The following KDM8 variants were observed in gnomAD, a reference collection of about 807,000 sequenced individuals.
KDM8 encodes bifunctional peptidase and arginyl-hydroxylase JMJD5.
Under a neutral mutation model 46.9 loss-of-function variants are expected in KDM8, and 35 were observed. The observed-to-expected ratio is 0.75, with a 90% confidence interval of 0.57 to 0.99. The LOEUF (loss-of-function observed/expected upper bound fraction) is 0.99. Among genes scored for constraint, KDM8 ranks in the 50% least tolerant of loss-of-function variants. The pLI, the probability that KDM8 is intolerant of heterozygous loss-of-function variation, is 0.00. For missense variants in KDM8, 475 were observed against 537.0 expected (o/e 0.88, Z 1.14); for synonymous variants, 232 against 227.7 (o/e 1.02, Z -0.17).
intron 1 of KDM8, among the ~76,000 whole-genome samples, chr16:27,205,275 T>C (rs558243140): frequency 6.6e-6 from 1 of 152,332 alleles, no homozygotes; most frequent in African/African-American, 2.4e-5. Context: ...GTCTTATTTA[T>C]AAATCCAGGA....
At chr16:27,208,228 G>A (rs912163011) in intron 1 of KDM8, among the ~76,000 whole-genome samples, 4 of 152,338 alleles carry the variant, frequency 2.6e-5, no homozygotes, top group Admixed American at 6.5e-5. Context: ...CAGATAGGCC[G>A]CCTATGAAGA....
Position 27,220,867 on chromosome 16 carries a change from G to A in KDM8, c.*137G>A. 9.7e-7 allele frequency: 1 copy of A among 1,035,766 alleles called. No individual in the cohort carries two copies. Among genetic ancestry groups the A allele is most frequent in the Admixed American group, 1.9e-5 (1 of 53,174 alleles). 64.2% of individuals were successfully genotyped at this position (1,035,766 alleles called of 1,614,324 possible). On this transcript the variant is annotated 3_prime_UTR_variant, in exon 8 of 8. Coordinates refer to ENST00000286096, the MANE Select transcript of KDM8 (RefSeq NM_024773.3). ...GCCTTCACTGCCCAGTGGCAGCCCT[G>A]GGGGGCTGAGCTCCAGCACTGGACA...
chr16:27,213,638 C>A lies in KDM8; in HGVS notation c.552C>A (p.Val184=), dbSNP rs749840337. 10 of 1,614,036 alleles carry A rather than the reference C, an allele frequency of 6.2e-6. No homozygotes were observed. In the African/African-American group the frequency reaches 1.1e-4, roughly 17 times the overall value. ...CAGATGTGAAGTTAGAAAAAACAGT[C>A]CCCCGGCTGCACCGTCCGTCCCTCC... The part of the protein sequence containing the change: ...LIPDVKLEKT[V]PRLHRPSLQH... The change falls in exon 3 of 8, where the codon GTC becomes GTA. Residue 184 remains valine (V), a synonymous_variant. Transcript: ENST00000286096.
chr16:27,216,028 C>T, intron 5 of KDM8, 39 bp downstream of exon 5: 2 of 1,608,778 alleles, frequency 1.2e-6, no homozygotes, highest in Non-Finnish European at 1.7e-6. Context: ...CTCACCGTCT[C>T]ACCTTCCCCT....
At chr16:27,219,245 T>C (rs1406088305) in intron 6 of KDM8, 135 bp downstream of exon 6, 18 of 1,000,416 alleles carry the variant, frequency 1.8e-5, no homozygotes, top group East Asian at 2.8e-5. Context: ...GACAAAAATA[T>C]AAAGCAAACC....
chr16:27,211,178 A>G (rs1393406541), intron 2 of KDM8: 1 of 454,308 alleles, frequency 2.2e-6, no homozygotes. Flanking sequence ...GCAGCAGAGA[A>G]ACTTCGTGGT....
intron 1 of KDM8, chr16:27,204,445 T>G (rs1108029): frequency 4.0e-6 from 4 of 989,850 alleles, no homozygotes; most frequent in Non-Finnish European, 5.3e-6. Flanking sequence ...TTCCAAACTT[T>G]CCTGGGAAGT....
At chr16:27,204,027 G>C in intron 1 of KDM8, 1 of 1,407,774 alleles carries the variant, frequency 7.1e-7, no homozygotes, top group Non-Finnish European at 9.8e-7. Context: ...GCTGCTTTTA[G>C]GCAACCAGCC....
In KDM8 at chr16:27,220,461, G is replaced by A. The variant is rs202035405; in HGVS notation, c.1062G>A (p.Thr354=). The A allele has an allele frequency of 1.8e-4, 287 of 1,613,996 alleles. No individual in the cohort carries two copies. The highest frequency in any genetic ancestry group is 8.2e-4 in the Middle Eastern group (5 of 6,084). Residue 354 remains threonine (T), a synonymous_variant, in exon 7 of 8, where the codon ACG becomes ACA. Transcript: ENST00000286096. ...CAGGGGCTCTGTACCCTCATGACAC[G>A]CACCTTCTCCATAACACGAGCCAGG... is the stretch of plus-strand genomic sequence containing the variant. The part of the protein sequence containing the change: ...QESGALYPHD[T]HLLHNTSQVD...
At chr16:27,219,315 C>T (rs2083591271) in intron 6 of KDM8, among the ~76,000 whole-genome samples, 1 of 152,256 alleles carries the variant, frequency 6.6e-6, no homozygotes, top group Non-Finnish European at 1.5e-5. Flanking sequence ...AGCGGCTCCT[C>T]CTGCATGTGC....
chr16:27,215,415 A>G (rs564095144), intron 4 of KDM8, among the ~76,000 whole-genome samples: 1 of 152,268 alleles, frequency 6.6e-6, no homozygotes, highest in East Asian at 1.9e-4. Context: ...CCCTGTCTCT[A>G]TAAAAAATAT....
chr16:27,215,846 G>A, intron 4 of KDM8, 99 bp from the exon 5 acceptor site: 2 of 1,229,030 alleles, frequency 1.6e-6, no homozygotes, highest in South Asian at 1.2e-5. Flanking sequence ...AGGGTGACGG[G>A]TGCTGCAGCT....
intron 6 of KDM8, 175 bp from the exon 7 acceptor site, chr16:27,220,218 C>T: frequency 3.1e-6 from 2 of 647,172 alleles, no homozygotes; most frequent in Non-Finnish European, 5.5e-6. Flanking sequence ...GAGACCCTGT[C>T]TCTAAAAAAT....
At chr16:27,206,551 C>T (rs912358789) in intron 1 of KDM8, among the ~76,000 whole-genome samples, 3 of 152,192 alleles carry the variant, frequency 2.0e-5, no homozygotes, top group East Asian at 1.9e-4. Context: ...GGATGACAGG[C>T]GTGAGCGATG....
At chr16:27,213,484 C>G (rs1262239338) in intron 2 of KDM8, 101 bp from the exon 3 acceptor site, 3 of 1,194,148 alleles carry the variant, frequency 2.5e-6, no homozygotes, top group Non-Finnish European at 3.6e-6. Flanking sequence ...GTACTCTTGA[C>G]AGCTAAGCTC....
chr16:27,204,015 C>T (rs927040352), intron 1 of KDM8: 2 of 1,255,794 alleles, frequency 1.6e-6, no homozygotes, highest in Admixed American at 4.4e-5. Context: ...ATATGTGTGT[C>T]CGCTGCTTTT....
At chr16:27,216,876 G>A (rs2083561256) in intron 5 of KDM8, among the ~76,000 whole-genome samples, 1 of 152,076 alleles carries the variant, frequency 6.6e-6, no homozygotes, top group South Asian at 2.1e-4. Context: ...TCATCCTGGG[G>A]GCATGGCCTC....
chr16:27,220,695 G>A lies in KDM8; in HGVS notation c.1216G>A (p.Asp406Asn), dbSNP rs1206481658. 1 of 1,614,192 alleles carries A rather than the reference G, an allele frequency of 6.2e-7. No homozygotes were observed. ...ATACTGGCATTACGTGCGGGCTCTGGATTTGAGCTTCTCGGTCAGCTTCTG... is the reference window on the plus strand; with the variant it reads ...ATACTGGCATTACGTGCGGGCTCTGAATTTGAGCTTCTCGGTCAGCTTCTG... ...VKYWHYVRAL[D>N]LSFSVSFWWS Residue 406 changes from aspartate to asparagine, a missense_variant, in exon 8 of 8, where the codon GAT becomes AAT. Physicochemically the swap from Asp to Asn is conservative, Grantham distance 23. Coordinates refer to ENST00000286096, the MANE Select transcript of KDM8 (RefSeq NM_024773.3).
intron 5 of KDM8, among the ~76,000 whole-genome samples, chr16:27,216,627 T>G (rs2083557461): frequency 6.6e-6 from 1 of 151,824 alleles, no homozygotes; most frequent in African/African-American, 2.4e-5. Flanking sequence ...CTGTATCTAC[T>G]GCTGAAGCCA....
Sources: gnomAD v4.1 joint callset for allele counts (sites outside exome capture counted in the v4.1 genomes callset) on GRCh38, gnomAD v4.1.1 for gene constraint, MANE v1.5 for transcripts, NCBI Gene and HGNC (gene_info 2026-07-23, HGNC 2026-07-21) for gene names.